METTL6: variants seen among roughly 807,000 people sequenced by gnomAD.
The protein encoded by METTL6 is methyltransferase 6, tRNA N3-cytidine.
Under a neutral mutation model 26.4 loss-of-function variants are expected in METTL6, and 22 were observed. That is an observed-to-expected ratio of 0.83 (90% CI 0.59 to 1.19). The LOEUF (loss-of-function observed/expected upper bound fraction) is 1.19. Ranked by LOEUF, METTL6 falls within the 50% of genes most tolerant of loss-of-function variation. The pLI is 0.00. For missense variants in METTL6, 304 were observed against 324.8 expected, an observed-to-expected ratio of 0.94 and a Z score of 0.49; for synonymous variants, 109 against 116.2, an observed-to-expected ratio of 0.94 and a Z score of 0.40.
At chr3:15,391,823 T>G (rs1436973896) in intron 6 of METTL6, among the ~76,000 whole-genome samples, 6 of 152,088 alleles carry the variant, frequency 3.9e-5, no homozygotes, top group Non-Finnish European at 7.3e-5. Context: ...ACAAAGGACA[T>G]GAACTCACCA....
At position 15,410,236 on chromosome 3, in the gene METTL6, G is replaced by A. The variant is rs1699913702; in HGVS notation, c.*1020C>T. Among the ~76,000 whole-genome samples the A allele has an allele frequency of 6.6e-6, 1 of 151,926 alleles. No individual in the cohort carries two copies. The highest frequency in any genetic ancestry group is 6.6e-5 in the Admixed American group (1 of 15,250). On this transcript the variant is annotated 3_prime_UTR_variant, in exon 6 of 6. Coordinates refer to ENST00000383790, the MANE Select transcript of METTL6 (RefSeq NM_152396.4). ...GTTTCAAGACCCCCAGTGGTTGCCT[G>A]AAACCAAGATGGTACCAAACTCTAA...
chr3:15,392,376 A>G (rs1699373931), intron 6 of METTL6, among the ~76,000 whole-genome samples: 2 of 151,828 alleles, frequency 1.3e-5, no homozygotes, highest in Non-Finnish European at 1.5e-5. Context: ...GTTTGAGTTC[A>G]TTGTAGATTC....
In METTL6 at chr3:15,427,498, G is replaced by C. The variant is rs144383348; in HGVS notation, c.-221C>G. The C allele has an allele frequency of 6.3e-5, 31 of 493,694 alleles. No individual in the cohort carries two copies. The highest frequency in any genetic ancestry group is 1.0e-4 in the Non-Finnish European group (28 of 273,492). The allele number at this position is 493,694 out of a possible 1,614,324, so 30.6% of individuals were successfully genotyped here. A position where few individuals can be genotyped will look rare whatever the true frequency, so the allele number is the denominator to read the frequency against. ...TGAGGACCACGAATTCGGATTATCC[G>C]GGAGTTCTTTTGCCATGGCACCGCC... On this transcript the variant is annotated 5_prime_UTR_variant, in exon 1 of 6. Transcript: ENST00000383790.
intron 6 of METTL6, among the ~76,000 whole-genome samples, chr3:15,396,085 A>C (rs1699480333): frequency 6.6e-6 from 1 of 152,158 alleles, no homozygotes; most frequent in Non-Finnish European, 1.5e-5. Context: ...TATCCTGCAG[A>C]GTGTTTTCCA....
intron 6 of METTL6, among the ~76,000 whole-genome samples, chr3:15,403,191 C>T (rs1231091054): frequency 6.6e-6 from 1 of 152,112 alleles, no homozygotes; most frequent in Non-Finnish European, 1.5e-5. Flanking sequence ...CCAGATTGGT[C>T]TCCCAACTCC....
In METTL6 at chr3:15,411,373, T is replaced by C; in HGVS notation, c.738A>G (p.Arg246=). The part of the protein sequence containing the change: ...YEEVVNEYVF[R]ETVNKKEGLC... ...GGCCTTCTTTTTTATTCACCGTCTC[T>C]CGAAACACATACTCGTTTACCACTT... The change falls in exon 6 of 6, where the codon CGA becomes CGG. Residue 246 remains arginine, a synonymous_variant. Transcript: ENST00000383790. 6.2e-7 allele frequency: 1 copy of C among 1,614,170 alleles called. No homozygotes were observed. The highest frequency in any genetic ancestry group is 1.1e-5 in the South Asian group (1 of 91,084).
At position 15,410,853 on chromosome 3, in the gene METTL6, C is replaced by T. The variant is rs1242264508; in HGVS notation, c.*403G>A. The stretch of plus-strand genomic sequence containing the variant: ...ACACCACTGCACTCCAGCCTGCGTA[C>T]CACAAGATCCTGTCTCAAAAAATAT... On this transcript the variant is annotated 3_prime_UTR_variant, in exon 6 of 6. Coordinates refer to ENST00000383790, the MANE Select transcript of METTL6 (RefSeq NM_152396.4). Among the ~76,000 whole-genome samples the T allele has an allele frequency of 6.6e-6, 1 of 152,008 alleles. No homozygotes were observed. Among genetic ancestry groups the T allele is most frequent in the Non-Finnish European group, 1.5e-5 (1 of 67,988 alleles).
intron 3 of METTL6, among the ~76,000 whole-genome samples, chr3:15,421,061 C>T (rs548597687): frequency 6.6e-6 from 1 of 152,122 alleles, no homozygotes; most frequent in Non-Finnish European, 1.5e-5. Flanking sequence ...AATGACAGAA[C>T]AGGATAAAGA....
At chr3:15,411,982 C>T (rs1699988685) in intron 5 of METTL6, among the ~76,000 whole-genome samples, 1 of 152,096 alleles carries the variant, frequency 6.6e-6, no homozygotes, top group Admixed American at 6.6e-5. Flanking sequence ...CCAGGCTGGT[C>T]TCAAACCCCT....
At chr3:15,408,386 G>C (rs747376256), downstream of METTL6, among the ~76,000 whole-genome samples, 5 of 152,104 alleles carry the variant, frequency 3.3e-5, no homozygotes, top group African/African-American at 9.7e-5. Context: ...TGATACTCAC[G>C]TGCCATATAT....
chr3:15,396,679 C>T (rs1699497542), intron 6 of METTL6, among the ~76,000 whole-genome samples: 1 of 152,162 alleles, frequency 6.6e-6, no homozygotes, highest in South Asian at 2.1e-4. Context: ...GTGTGGATGT[C>T]CTTTCTGTTT....
chr3:15,413,842 G>C (rs1028667806), intron 5 of METTL6, 179 bp downstream of exon 5: 1 of 1,504,334 alleles, frequency 6.6e-7, no homozygotes, highest in Admixed American at 2.0e-5. Flanking sequence ...AGCTCTTCAA[G>C]GGCAGGGGCC....
chr3:15,401,116 T>G (rs1160454968), intron 6 of METTL6, among the ~76,000 whole-genome samples: 1 of 152,024 alleles, frequency 6.6e-6, no homozygotes, highest in African/African-American at 2.4e-5. Flanking sequence ...CTTGGCTCAC[T>G]GCAAGCTCCA....
At chr3:15,418,168 C>T (rs1213602398) in intron 3 of METTL6, among the ~76,000 whole-genome samples, 1 of 152,078 alleles carries the variant, frequency 6.6e-6, no homozygotes, top group African/African-American at 2.4e-5. Flanking sequence ...AGAAAACATC[C>T]CAGAAGGCAA....
chr3:15,385,124 C>T (rs558431828), intron 6 of METTL6, among the ~76,000 whole-genome samples: 16 of 152,228 alleles, frequency 1.1e-4, no homozygotes, highest in Non-Finnish European at 1.9e-4. Flanking sequence ...TTTGTTCTTT[C>T]TTTCCTTCCA....
At chr3:15,415,485 T>C in intron 4 of METTL6, 1 of 1,585,392 alleles carries the variant, frequency 6.3e-7, no homozygotes, top group Non-Finnish European at 8.5e-7. Context: ...CACTAAACCA[T>C]AACTCCTCTC....
At chr3:15,422,120 G>A (rs1032445088) in intron 3 of METTL6, among the ~76,000 whole-genome samples, 2 of 151,754 alleles carry the variant, frequency 1.3e-5, no homozygotes, top group African/African-American at 4.8e-5. Context: ...GAGCCCAGGA[G>A]TTTGAGAACA....
downstream of METTL6, among the ~76,000 whole-genome samples, chr3:15,408,579 T>TTCC (rs1553627420): frequency 3.4e-5 from 5 of 147,808 alleles, no homozygotes; most frequent in African/African-American, 1.3e-4. Flanking sequence ...TTTTTTTTTT[T>TTCC]CAATTGGACA....
downstream of METTL6, among the ~76,000 whole-genome samples, chr3:15,407,916 T>C (rs1044019600): frequency 1.2e-4 from 19 of 152,192 alleles, no homozygotes; most frequent in Non-Finnish European, 2.2e-4. Flanking sequence ...GTTTATCGCA[T>C]GGAGTCTGAA....
Sources: allele counts gnomAD v4.1 joint callset (sites outside exome capture counted in the v4.1 genomes callset), GRCh38; gene constraint gnomAD v4.1.1; transcripts MANE v1.5; gene names NCBI Gene and HGNC (gene_info 2026-07-23, HGNC 2026-07-21).